The following TMCO1 variants were observed in gnomAD, a reference collection of about 807,000 sequenced individuals.
TMCO1 encodes transmembrane and coiled-coil domains 1.
TMCO1 carries 29 observed loss-of-function variants against 29.3 expected under a neutral mutation model. The ratio of observed to expected loss-of-function variants is 0.99; its 90% CI spans 0.74 to 1.35. The LOEUF (loss-of-function observed/expected upper bound fraction) is 1.35. TMCO1 is among the 40% of genes most tolerant of loss of function. The pLI is 0.00. For synonymous variants in TMCO1, 80 were observed against 77.1 expected, an observed-to-expected ratio of 1.04 and a Z score of -0.20; for missense variants, 173 against 225.5, an observed-to-expected ratio of 0.77 and a Z score of 1.49.
intron 6 of TMCO1, among the ~76,000 whole-genome samples, chr1:165,737,045 T>A (rs886220703): frequency 6.6e-6 from 1 of 152,188 alleles, no homozygotes; most frequent in Non-Finnish European, 1.5e-5. Context: ...GGGCTCTTGG[T>A]CTTGAACTCC....
intron 4 of TMCO1, among the ~76,000 whole-genome samples, 179 bp from the exon 5 acceptor site, chr1:165,752,348 C>A (rs529214866): frequency 5.3e-5 from 8 of 150,872 alleles, no homozygotes; most frequent in African/African-American, 1.7e-4. Flanking sequence ...TCCGTCCCCC[C>A]GGGTTCACGC....
At chr1:165,752,203 TAAAAAAA>T in intron 4 of TMCO1, 34 bp from the exon 5 acceptor site, 1 of 1,418,834 alleles carries the variant, frequency 7.0e-7, no homozygotes, top group Non-Finnish European at 9.8e-7. Context: ...CATTTTACAC[TAAAAAAA>T]AACACATCTA....
chr1:165,752,252 ATT>A (rs773982057), intron 4 of TMCO1, 83 bp from the exon 5 acceptor site: 12,219 of 406,312 alleles, frequency 0.03, no homozygotes, highest in Middle Eastern at 0.034. Flanking sequence ...GTTTCATGTC[ATT>A]TTTTTTTTTT....
chr1:165,746,530 G>A (rs1240322697), intron 5 of TMCO1, among the ~76,000 whole-genome samples: 2 of 147,660 alleles, frequency 1.4e-5, no homozygotes, highest in Non-Finnish European at 3.0e-5. Context: ...AAAATAATCT[G>A]GCATTTCAAT....
intron 4 of TMCO1, among the ~76,000 whole-genome samples, chr1:165,752,603 G>A (rs1411080182): frequency 4.0e-5 from 6 of 151,170 alleles, no homozygotes; most frequent in Non-Finnish European, 7.4e-5. Flanking sequence ...GACCAGCCTG[G>A]CCAACATGGT....
intron 2 of TMCO1, among the ~76,000 whole-genome samples, chr1:165,764,460 G>C (rs1652501388): frequency 6.6e-6 from 1 of 152,168 alleles, no homozygotes; most frequent in Non-Finnish European, 1.5e-5. Context: ...CATAAACTAT[G>C]ATAGGAAGAT....
At chr1:165,745,819 T>C (rs112080898) in intron 5 of TMCO1, among the ~76,000 whole-genome samples, 1 of 152,168 alleles carries the variant, frequency 6.6e-6, no homozygotes, top group Non-Finnish European at 1.5e-5. Flanking sequence ...ATATTTTTTT[T>C]AAATGTACAG....
At chr1:165,742,380 G>T (rs887464840) in intron 6 of TMCO1, among the ~76,000 whole-genome samples, 1 of 151,778 alleles carries the variant, frequency 6.6e-6, no homozygotes, top group Non-Finnish European at 1.5e-5. Flanking sequence ...TTCCGACCTC[G>T]GCCTCTAGGG....
chr1:165,759,668 AAAG>A, intron 2 of TMCO1, 84 bp from the exon 3 acceptor site: 1 of 1,224,440 alleles, frequency 8.2e-7, no homozygotes, highest in Non-Finnish European at 1.2e-6. Context: ...TGAACCAATG[AAAG>A]AAGCTTGCAA....
downstream of TMCO1, chr1:165,726,272 G>A (rs61621288): frequency 4.2e-3 from 2,912 of 697,140 alleles, 71 homozygotes; most frequent in African/African-American, 0.046. Context: ...ACTAGTCTCA[G>A]AATAGGGACT....
chr1:165,735,334 C>G (rs1322774347), intron 6 of TMCO1, among the ~76,000 whole-genome samples: 1 of 152,108 alleles, frequency 6.6e-6, no homozygotes, highest in East Asian at 1.9e-4. Context: ...CCCCAGTTGG[C>G]ACTGTGAAGA....
At chr1:165,726,504 T>G (rs1284896461), downstream of TMCO1, 1 of 502,732 alleles carries the variant, frequency 2.0e-6, no homozygotes, top group Admixed American at 2.3e-5. Context: ...CTGGTTGAAT[T>G]CAAATCCTGA....
At chr1:165,730,687 C>T (rs762979568) in intron 6 of TMCO1, among the ~76,000 whole-genome samples, 1 of 152,060 alleles carries the variant, frequency 6.6e-6, no homozygotes. Context: ...CTCCACTTCC[C>T]GGGCTCAAGC....
chr1:165,768,503 C>T (rs748729503), intron 1 of TMCO1, 179 bp downstream of exon 1: 8 of 1,546,138 alleles, frequency 5.2e-6, no homozygotes, highest in Non-Finnish European at 6.1e-6. Flanking sequence ...GAAAACTCGG[C>T]AATCGACTCC....
At chr1:165,729,213 C>G (rs1651027982) in intron 6 of TMCO1, among the ~76,000 whole-genome samples, 2 of 151,826 alleles carry the variant, frequency 1.3e-5, no homozygotes, top group Non-Finnish European at 2.9e-5. Context: ...TTTTCAGGAC[C>G]CTGTCATCTT....
chr1:165,743,066 AG>A (rs1359061652), intron 6 of TMCO1, 100 bp downstream of exon 6: 1 of 1,438,722 alleles, frequency 7.0e-7, no homozygotes, highest in East Asian at 2.3e-5. Flanking sequence ...GAAAGAACTC[AG>A]GAACAATGGG....
intron 1 of TMCO1, 37 bp from the exon 2 acceptor site, chr1:165,768,306 A>C: frequency 6.3e-7 from 1 of 1,586,904 alleles, no homozygotes; most frequent in Non-Finnish European, 8.7e-7. Context: ...TAGAGAAATG[A>C]CTGGAATGAT....
intron 6 of TMCO1, among the ~76,000 whole-genome samples, chr1:165,730,294 G>A (rs940051461): frequency 1.8e-4 from 27 of 151,970 alleles, no homozygotes; most frequent in Non-Finnish European, 2.8e-4. Context: ...CCGAGATCGC[G>A]CCACTGCACT....
At chr1:165,724,986 T>TTC (rs61515012), downstream of TMCO1, 4,085 of 372,514 alleles carry the variant, frequency 0.011, 8 homozygotes, top group African/African-American at 0.014. Context: ...TATTCTCTCT[T>TTC]TCTCTCTCTC....
Sources: gnomAD v4.1 joint callset for allele counts (sites outside exome capture counted in the v4.1 genomes callset) on GRCh38, gnomAD v4.1.1 for gene constraint, MANE v1.5 for transcripts, NCBI Gene and HGNC (gene_info 2026-07-23, HGNC 2026-07-21) for gene names.